SOX6: variants seen among roughly 807,000 people sequenced by gnomAD.
The protein encoded by SOX6 is transcription factor SOX-6.
SOX6 carries 11 observed loss-of-function variants against 97.8 expected under a neutral mutation model. The ratio of observed to expected loss-of-function variants is 0.11; its 90% CI spans 0.07 to 0.19. SOX6 has a LOEUF of 0.19. Among genes scored for constraint, SOX6 ranks in the 10% least tolerant of loss-of-function variants. SOX6 has a pLI of 1.00. For missense variants in SOX6, 810 were observed against 1,039.5 expected, an observed-to-expected ratio of 0.78 and a Z score of 3.04; for synonymous variants, 360 against 371.4, an observed-to-expected ratio of 0.97 and a Z score of 0.35.
rs1248104788 is a variant in SOX6, at chr11:16,407,933, T to C, written c.-4-66681A>G. On this transcript the variant is annotated intron_variant, in intron 1 of 15. Coordinates refer to the SOX6 transcript ENST00000396356. Reference sequence around the variant, plus strand: ...AATCATTTTTATTCCCTTTTCATTTTTTCCACATTCCTTTACAACTTATTT... The same window carrying C: ...AATCATTTTTATTCCCTTTTCATTTCTTCCACATTCCTTTACAACTTATTT... 2.0e-5 allele frequency among the ~76,000 whole-genome samples: 3 copies of C among 152,336 alleles called. No homozygotes were observed. In the South Asian group the frequency reaches 6.2e-4, roughly 32 times the overall value.
chr11:16,153,586 A>C (rs942292979), intron 6 of SOX6, among the ~76,000 whole-genome samples: 1 of 152,172 alleles, frequency 6.6e-6, no homozygotes, highest in Non-Finnish European at 1.5e-5. Flanking sequence ...AACTGAACAC[A>C]TAAGACTGAA....
chr11:16,613,909 C>G lies in SOX6; in HGVS notation n.430-1649G>C, dbSNP rs1298193729. Among the ~76,000 whole-genome samples, 1 of 152,146 alleles carries G rather than the reference C, an allele frequency of 6.6e-6. No individual in the cohort carries two copies. The highest frequency in any genetic ancestry group is 2.4e-5 in the African/African-American group (1 of 41,446). On this transcript the variant is annotated intron_variant and non_coding_transcript_variant, in intron 3 of 5. Coordinates refer to the SOX6 transcript ENST00000524520. This position sits in a 1 kb window ranked among gnomAD's most constrained non-coding sequence, Gnocchi z 4.6. Reference sequence around the variant, plus strand: ...ACACTGGCCCAGCAGCCTTGGCGACCTCCCGGGACCGCCTGAAAGAGAAGC... The same window carrying G: ...ACACTGGCCCAGCAGCCTTGGCGACGTCCCGGGACCGCCTGAAAGAGAAGC...
In SOX6 at chr11:16,046,547, A is replaced by G. The variant is rs1855837649; in HGVS notation, c.1590T>C (p.Asn530=). Residue 530 remains asparagine (N), a synonymous_variant, in exon 12 of 16, where the codon AAT becomes AAC. Transcript: ENST00000683767. Reference sequence around the variant, plus strand: ...TCCTGCAGCTGTTCAGCCCCATATTATTTATGGAGGACAGTTTCCCGTCAA... The same window carrying G: ...TCCTGCAGCTGTTCAGCCCCATATTGTTTATGGAGGACAGTTTCCCGTCAA... ...HGVDGKLSSI[N]NMGLNSCRNE... is the part of the protein sequence containing the mutation. 1 of 1,613,484 alleles carries G rather than the reference A, an allele frequency of 6.2e-7. No individual in the cohort carries two copies. Among genetic ancestry groups the G allele is most frequent in the African/African-American group, 1.3e-5 (1 of 74,886 alleles).
At chr11:16,559,937 C>T (rs1265503344) in intron 4 of SOX6, among the ~76,000 whole-genome samples, 1 of 152,042 alleles carries the variant, frequency 6.6e-6, no homozygotes, top group Admixed American at 6.6e-5. Context: ...TTTAATTAAA[C>T]CAAATGTTTG....
intron 6 of SOX6, among the ~76,000 whole-genome samples, chr11:16,129,550 G>A (rs1326687084): frequency 6.6e-6 from 1 of 152,066 alleles, no homozygotes; most frequent in African/African-American, 2.4e-5. Flanking sequence ...AAGCATACAA[G>A]TGAGCAGACT....
chr11:16,255,144 T>A (rs1853646421), intron 3 of SOX6, among the ~76,000 whole-genome samples: 1 of 152,046 alleles, frequency 6.6e-6, no homozygotes, highest in Non-Finnish European at 1.5e-5. Flanking sequence ...GAGAAATAGA[T>A]GAATTCACTA....
intron 15 of SOX6, among the ~76,000 whole-genome samples, chr11:15,973,767 C>T (rs182242840): frequency 1.4e-3 from 216 of 152,258 alleles, no homozygotes; most frequent in African/African-American, 5.1e-3. Flanking sequence ...GAGTAAAGAG[C>T]AGTGAGACCT....
chr11:16,715,863 T>C (rs1182559696), intron 2 of SOX6, among the ~76,000 whole-genome samples: 1 of 152,204 alleles, frequency 6.6e-6, no homozygotes, highest in Admixed American at 6.5e-5. Context: ...CAACTGCTTT[T>C]CCCTGTATCA....
chr11:16,359,883 C>T (rs1489134979), upstream of SOX6, among the ~76,000 whole-genome samples: 1 of 152,110 alleles, frequency 6.6e-6, no homozygotes, highest in East Asian at 1.9e-4. Flanking sequence ...TCAAAACAAC[C>T]CCACAACAAA....
At chr11:16,447,475 G>GTC (rs963931494) in intron 1 of SOX6, among the ~76,000 whole-genome samples, 75 of 110,874 alleles carry the variant, frequency 6.8e-4, no homozygotes, top group African/African-American at 1.8e-3. Flanking sequence ...TTCTTTCTTT[G>GTC]TCTCTCTCTC....
chr11:16,527,191 G>C (rs1019420242), intron 4 of SOX6, among the ~76,000 whole-genome samples: 4 of 151,818 alleles, frequency 2.6e-5, no homozygotes, highest in African/African-American at 4.8e-5. Flanking sequence ...ATCAACCTAG[G>C]CAATTAGTCA....
intron 3 of SOX6, among the ~76,000 whole-genome samples, chr11:16,259,918 C>T (rs1017089539): frequency 5.3e-5 from 8 of 150,402 alleles, no homozygotes; most frequent in South Asian, 2.1e-4. Flanking sequence ...TTTTACCACA[C>T]GCATGTTATA....
intron 4 of SOX6, among the ~76,000 whole-genome samples, chr11:16,496,482 G>C (rs527554392): frequency 6.6e-6 from 1 of 152,290 alleles, no homozygotes; most frequent in South Asian, 2.1e-4. Flanking sequence ...CAGGACAGTG[G>C]GTGCAATGCA....
intron 6 of SOX6, among the ~76,000 whole-genome samples, chr11:16,118,200 G>A (rs1476729865): frequency 2.0e-5 from 3 of 152,150 alleles, no homozygotes; most frequent in Non-Finnish European, 4.4e-5. Flanking sequence ...CCCCATCACG[G>A]GTGAAGCTTA....
chr11:16,140,711 G>A (rs1160269046), intron 6 of SOX6, among the ~76,000 whole-genome samples: 1 of 152,132 alleles, frequency 6.6e-6, no homozygotes, highest in Non-Finnish European at 1.5e-5. Flanking sequence ...TAAAATACCA[G>A]CAAAGACAAC....
chr11:16,162,510 A>G (rs1432131465), intron 6 of SOX6, among the ~76,000 whole-genome samples: 6 of 152,042 alleles, frequency 3.9e-5, no homozygotes. Flanking sequence ...TTCTCATGAA[A>G]TCTGGTCATT....
In SOX6 at chr11:16,096,043, T is replaced by C; in HGVS notation, c.1054A>G (p.Thr352Ala). Reference protein sequence around the residue: ...LSDRFGRNLDTFEHGGGHSYN... With the variant: ...LSDRFGRNLDAFEHGGGHSYN... ...GAGTGGCCACCACCATGTTCAAAGG[T>C]GTCCAAATTCCTGCCAAAACGGTCA... The change falls in exon 9 of 16, where the codon ACC becomes GCC. Residue 352 changes from threonine to alanine, a missense_variant. By Grantham distance (58) the Thr-to-Ala change is moderately conservative. This residue lies in a region of SOX6 where 244 missense variants were observed against 261.0 expected (regional missense o/e 0.93). Coordinates refer to ENST00000683767, the MANE Select transcript of SOX6 (RefSeq NM_001367873.1). The C allele has an allele frequency of 6.2e-7, 1 of 1,611,384 alleles. No individual in the cohort carries two copies.
intron 4 of SOX6, among the ~76,000 whole-genome samples, chr11:16,551,794 T>C (rs1847690783): frequency 6.6e-6 from 1 of 151,940 alleles, no homozygotes; most frequent in African/African-American, 2.4e-5. Flanking sequence ...TTAGTAGAGA[T>C]GGGTTTCACC....
At chr11:16,295,324 C>T (rs1855043636) in intron 3 of SOX6, among the ~76,000 whole-genome samples, 1 of 152,014 alleles carries the variant, frequency 6.6e-6, no homozygotes, top group Non-Finnish European at 1.5e-5. Flanking sequence ...AAAGACTCTA[C>T]TACAGCACTA....
Sources: gnomAD v4.1 joint callset for allele counts (sites outside exome capture counted in the v4.1 genomes callset) on GRCh38, gnomAD v4.1.1 for gene constraint, gnomAD v4.1.1 regional missense constraint, Gnocchi (gnomAD v3.1) non-coding constraint, MANE v1.5 for transcripts, NCBI Gene and HGNC (gene_info 2026-07-23, HGNC 2026-07-21) for gene names.